Variants in GPR107 observed in about 807,000 individuals in gnomAD.
GPR107 encodes protein GPR107.
A neutral mutation model predicts 75.5 loss-of-function variants in GPR107; 31 were observed. The observed-to-expected ratio is 0.41, with a 90% confidence interval of 0.31 to 0.55. The LOEUF is 0.55. Ranked by LOEUF, GPR107 falls within the 20% of genes least tolerant of loss-of-function variation. The pLI is 0.26. For missense variants in GPR107, 572 were observed against 665.7 expected (o/e 0.86, Z 1.55); for synonymous variants, 267 against 251.3 (o/e 1.06, Z -0.59).
rs1384601316 is a variant in GPR107, at chr9:130,135,224, C to T, written c.*103C>T. The stretch of plus-strand genomic sequence containing the variant: ...TCCTACAGTGAACTATTGGCACCAC[C>T]GACAGTGACACCAGGGCACATGGCT... On this transcript the variant is annotated 3_prime_UTR_variant, in exon 18 of 18. Coordinates refer to ENST00000347136, the MANE Select transcript of GPR107 (RefSeq NM_020960.5). The T allele has an allele frequency of 1.6e-5, 10 of 618,556 alleles. No individual in the cohort carries two copies. Among genetic ancestry groups the T allele is most frequent in the East Asian group, 1.1e-4 (4 of 35,572 alleles). The allele number at this position is 618,556 out of a possible 1,614,324, so 38.3% of individuals were successfully genotyped here.
chr9:130,091,055 AT>A (rs1294029077), intron 8 of GPR107, 72 bp downstream of exon 8: 3 of 714,472 alleles, frequency 4.2e-6, no homozygotes, highest in Non-Finnish European at 7.4e-6. Flanking sequence ...TCTGTATAAG[AT>A]TAGATTTTAA....
intron 1 of GPR107, among the ~76,000 whole-genome samples, chr9:130,072,883 A>G (rs548236665): frequency 6.3e-4 from 96 of 152,316 alleles, no homozygotes; most frequent in African/African-American, 2.3e-3. Context: ...GAAAAGACAT[A>G]CTTTTAAAAT....
At chr9:130,128,544 G>C (rs571336570) in intron 16 of GPR107, 96 bp from the exon 17 acceptor site, 2 of 998,658 alleles carry the variant, frequency 2.0e-6, no homozygotes, top group East Asian at 4.8e-5. Flanking sequence ...TCGAGTGGTG[G>C]GTTGTGGGGA....
intron 9 of GPR107, among the ~76,000 whole-genome samples, chr9:130,094,101 C>T (rs1830805637): frequency 6.6e-6 from 1 of 152,048 alleles, no homozygotes; most frequent in South Asian, 2.1e-4. Flanking sequence ...AGGCGTGAGC[C>T]ACCACACCTG....
intron 8 of GPR107, among the ~76,000 whole-genome samples, chr9:130,091,974 G>A (rs575049082): frequency 1.3e-5 from 2 of 151,864 alleles, no homozygotes; most frequent in African/African-American, 2.4e-5. Flanking sequence ...GATTACAGGC[G>A]TGAGCCACTG....
chr9:130,107,683 G>A (rs542668401), intron 14 of GPR107, 144 bp downstream of exon 14: 102 of 709,758 alleles, frequency 1.4e-4, no homozygotes, highest in Non-Finnish European at 1.9e-4. Flanking sequence ...GGCCCACTTC[G>A]TGAGAGCAGC....
Position 130,054,089 on chromosome 9 carries a change from G to A in GPR107, c.141+16G>A, listed in dbSNP as rs1829655738. ...GGCACTCAAGGTAAAGCTTGGCAAG[G>A]CCGGGCCGGGGGGCGGAGGCCGAGG... On this transcript the variant is annotated intron_variant, in intron 1 of 17. Coordinates refer to ENST00000347136, the MANE Select transcript of GPR107 (RefSeq NM_020960.5). 5 of 1,529,906 alleles carry A rather than the reference G, an allele frequency of 3.3e-6. No individual in the cohort carries two copies. The highest frequency in any genetic ancestry group is 1.4e-5 in the African/African-American group (1 of 71,094). 94.8% of individuals were successfully genotyped at this position (1,529,906 alleles called of 1,614,324 possible). A position where few individuals can be genotyped will look rare whatever the true frequency, so the allele number is the denominator to read the frequency against.
At position 130,112,302 on chromosome 9, in the gene GPR107, A is replaced by G. The variant is rs988661603; in HGVS notation, c.1306+4763A>G. 3.3e-5 allele frequency among the ~76,000 whole-genome samples: 5 copies of G among 152,214 alleles called. No homozygotes were observed. Among genetic ancestry groups the G allele is most frequent in the East Asian group, 1.9e-4 (1 of 5,196 alleles). On this transcript the variant is annotated intron_variant, in intron 14 of 17. Transcript: ENST00000347136. The surrounding 1 kb of genome is among the most constrained non-coding windows in gnomAD (Gnocchi z 4.0). ...CCGTGCTCTGAAAGGAGCCGCGACC[A>G]TGCGAGGCATTTGTTAGGGCAGCGG...
intron 7 of GPR107, among the ~76,000 whole-genome samples, chr9:130,087,918 A>G (rs1386152029): frequency 6.6e-6 from 1 of 151,674 alleles, no homozygotes; most frequent in Non-Finnish European, 1.5e-5. Flanking sequence ...CTGTCTCAAT[A>G]TTTCTGTGTT....
Position 130,099,524 on chromosome 9 carries a change from T to G in GPR107, c.931T>G (p.Phe311Val). Residue 311 changes from phenylalanine (F) to valine (V), a missense_variant, in exon 10 of 18, where the codon TTC becomes GTC. Phe to Val is a conservative substitution (Grantham distance 50). Coordinates refer to ENST00000347136, the MANE Select transcript of GPR107 (RefSeq NM_020960.5). ...TTTCACCAAGTCTCTTTCCTTGGTG[T>G]TCCATGCAGTATGTATTAGCATTTT... Reference protein sequence around the residue: ...LPFTKSLSLVFHAIDYHYISS... With the variant: ...LPFTKSLSLVVHAIDYHYISS... The G allele has an allele frequency of 6.3e-7, 1 of 1,577,704 alleles. No individual in the cohort carries two copies. The highest frequency in any genetic ancestry group is 8.7e-7 in the Non-Finnish European group (1 of 1,146,960).
At chr9:130,102,859 C>T (rs968632742) in intron 12 of GPR107, among the ~76,000 whole-genome samples, 6 of 152,190 alleles carry the variant, frequency 3.9e-5, no homozygotes, top group Non-Finnish European at 7.3e-5. Flanking sequence ...TCATGGCTCA[C>T]TGCAGCCCTA....
intron 14 of GPR107, chr9:130,114,548 A>G (rs1219044053): frequency 2.3e-6 from 1 of 434,200 alleles, no homozygotes; most frequent in Non-Finnish European, 4.6e-6. Context: ...ATGCCTCACT[A>G]ATTTTTAAAA....
chr9:130,123,126 C>T (rs1385580183), intron 14 of GPR107, among the ~76,000 whole-genome samples: 1 of 152,178 alleles, frequency 6.6e-6, no homozygotes, highest in Non-Finnish European at 1.5e-5. Flanking sequence ...CTTACTGCAA[C>T]CTCAATCTCC....
At chr9:130,061,665 C>T (rs947927444) in intron 1 of GPR107, among the ~76,000 whole-genome samples, 1 of 152,126 alleles carries the variant, frequency 6.6e-6, no homozygotes, top group East Asian at 1.9e-4. Flanking sequence ...CAGGGCAGGC[C>T]GGGCGTGGTG....
At chr9:130,058,416 A>C (rs1436270369) in intron 1 of GPR107, among the ~76,000 whole-genome samples, 1 of 149,632 alleles carries the variant, frequency 6.7e-6, no homozygotes, top group Non-Finnish European at 1.5e-5. Flanking sequence ...CTATAAACCT[A>C]CCCTTTCTGG....
intron 7 of GPR107, among the ~76,000 whole-genome samples, chr9:130,086,830 C>G (rs1024390651): frequency 2.6e-5 from 4 of 152,060 alleles, no homozygotes; most frequent in Non-Finnish European, 5.9e-5. Context: ...TCTGAAAGGA[C>G]CATTGATGAT....
chr9:130,080,506 T>TATTTA (rs1564665727), intron 5 of GPR107, among the ~76,000 whole-genome samples: 2 of 150,702 alleles, frequency 1.3e-5, no homozygotes, highest in Non-Finnish European at 1.5e-5. Flanking sequence ...TTTATTTATT[T>TATTTA]TTTGAGACGG....
chr9:130,056,380 T>G (rs921156567), intron 1 of GPR107, among the ~76,000 whole-genome samples: 8 of 151,170 alleles, frequency 5.3e-5, no homozygotes, highest in African/African-American at 1.5e-4. Context: ...GACCCAGGAG[T>G]AGGAAGTTGC....
At chr9:130,101,728 G>A (rs1235406582) in intron 12 of GPR107, among the ~76,000 whole-genome samples, 2 of 152,218 alleles carry the variant, frequency 1.3e-5, no homozygotes, top group Non-Finnish European at 2.9e-5. Context: ...AGTCTTTTGC[G>A]GGAGGAGCCT....
Sources: gnomAD v4.1 joint callset for allele counts (sites outside exome capture counted in the v4.1 genomes callset) on GRCh38, gnomAD v4.1.1 for gene constraint, Gnocchi (gnomAD v3.1) non-coding constraint, MANE v1.5 for transcripts, NCBI Gene and HGNC (gene_info 2026-07-23, HGNC 2026-07-21) for gene names.